The following APBB2 variants were observed in gnomAD, a reference collection of about 807,000 sequenced individuals.
APBB2 encodes Fe65-like 1.
Under a neutral mutation model 82.5 loss-of-function variants are expected in APBB2, and 38 were observed. The ratio of observed to expected loss-of-function variants is 0.46; its 90% confidence interval spans 0.36 to 0.60. APBB2 has a LOEUF of 0.60. Ranked by LOEUF, APBB2 falls within the 20% of genes least tolerant of loss-of-function variation. The probability of loss-of-function intolerance (pLI) is 0.00; values close to 1 mark genes in which losing one functional copy is unlikely to be tolerated. For missense variants in APBB2, 772 were observed against 972.3 expected, an observed-to-expected ratio of 0.79 and a Z score of 2.74; for synonymous variants, 341 against 368.2, an observed-to-expected ratio of 0.93 and a Z score of 0.85.
intron 12 of APBB2, among the ~76,000 whole-genome samples, chr4:40,838,779 C>G (rs1295538424): frequency 1.3e-5 from 2 of 152,042 alleles, no homozygotes; most frequent in Non-Finnish European, 2.9e-5. Flanking sequence ...AAAGCAGGCT[C>G]TATTTTAAAA....
At chr4:40,861,148 C>T (rs553240611) in intron 12 of APBB2, among the ~76,000 whole-genome samples, 4 of 151,652 alleles carry the variant, frequency 2.6e-5, no homozygotes, top group East Asian at 3.9e-4. Context: ...GCCAGGAGTT[C>T]GAGACCAGCC....
intron 6 of APBB2, among the ~76,000 whole-genome samples, chr4:41,011,645 G>A (rs1327469356): frequency 6.6e-6 from 1 of 152,122 alleles, no homozygotes; most frequent in African/African-American, 2.4e-5. Flanking sequence ...TGCCCAGGCT[G>A]GTCTCAAATT....
chr4:40,964,349 C>T (rs1412429660), intron 6 of APBB2, among the ~76,000 whole-genome samples: 3 of 152,136 alleles, frequency 2.0e-5, no homozygotes, highest in African/African-American at 7.2e-5. Flanking sequence ...ACTGATTCAC[C>T]TACCTGTCAT....
intron 2 of APBB2, among the ~76,000 whole-genome samples, chr4:41,110,696 A>G (rs900046815): frequency 1.6e-4 from 24 of 152,024 alleles, no homozygotes; most frequent in African/African-American, 5.8e-4. Flanking sequence ...AGAAGAGAAT[A>G]TAGGTCTGAG....
intron 3 of APBB2, among the ~76,000 whole-genome samples, chr4:41,088,321 G>GAC (rs1740534114): frequency 6.6e-6 from 1 of 152,148 alleles, no homozygotes. Context: ...AAAGACTCTT[G>GAC]ACCACATCAA....
intron 6 of APBB2, among the ~76,000 whole-genome samples, chr4:41,007,609 G>A (rs1334371578): frequency 6.6e-6 from 1 of 152,148 alleles, no homozygotes; most frequent in African/African-American, 2.4e-5. Flanking sequence ...CTTTCCAGGA[G>A]CCTAGAACAT....
intron 1 of APBB2, among the ~76,000 whole-genome samples, chr4:41,195,894 C>T: frequency 4.6e-5 from 7 of 152,220 alleles, no homozygotes; most frequent in South Asian, 4.1e-4. Context: ...GGCTCAGTGG[C>T]TCATGCCTGT....
intron 3 of APBB2, among the ~76,000 whole-genome samples, chr4:41,088,638 TGTGCTGACAGTCACTTCTGAAGTAGG>T (rs1740675135): frequency 6.6e-6 from 1 of 152,250 alleles, no homozygotes; most frequent in Non-Finnish European, 1.5e-5. Context: ...TATATCTAGC[TGTGCTGACAGTCACTTCTGAAGTAGG>T]GATTGGATGG....
chr4:41,107,959 G>A (rs1024359422), intron 2 of APBB2, among the ~76,000 whole-genome samples: 3 of 152,180 alleles, frequency 2.0e-5, no homozygotes, highest in South Asian at 2.1e-4. Context: ...GGTAACAGGT[G>A]AAATCTGAAC....
intron 3 of APBB2, among the ~76,000 whole-genome samples, chr4:41,092,882 G>C (rs1742256625): frequency 6.6e-6 from 1 of 152,058 alleles, no homozygotes; most frequent in Non-Finnish European, 1.5e-5. Context: ...AATGTTTTAA[G>C]AGATCCATTC....
intron 12 of APBB2, among the ~76,000 whole-genome samples, chr4:40,862,631 C>T (rs775091552): frequency 2.6e-5 from 4 of 152,164 alleles, no homozygotes; most frequent in South Asian, 2.1e-4. Context: ...GAGGCCAAGC[C>T]GGGTGGATTA....
chr4:41,010,382 G>A (rs1254084848), intron 6 of APBB2, among the ~76,000 whole-genome samples: 1 of 150,980 alleles, frequency 6.6e-6, no homozygotes, highest in African/African-American at 2.5e-5. Context: ...TTCTTAACAT[G>A]TAAAAAAAAC....
chr4:41,076,723 T>C (rs771203681), intron 3 of APBB2, among the ~76,000 whole-genome samples: 5 of 152,014 alleles, frequency 3.3e-5, no homozygotes, highest in Non-Finnish European at 5.9e-5. Context: ...GCATGTGAAA[T>C]AGGGTCCAGC....
At chr4:40,899,155 G>A (rs573923916) in intron 10 of APBB2, among the ~76,000 whole-genome samples, 7 of 152,308 alleles carry the variant, frequency 4.6e-5, no homozygotes, top group East Asian at 1.9e-4. Flanking sequence ...CAATGTCCTC[G>A]TTATAAAATG....
chr4:40,870,853 C>A (rs1765311730), intron 12 of APBB2, among the ~76,000 whole-genome samples: 1 of 151,828 alleles, frequency 6.6e-6, no homozygotes, highest in South Asian at 2.1e-4. Flanking sequence ...CTGCCTCAGC[C>A]TCCCGAGTAG....
At chr4:41,211,298 C>T (rs1051597894) in intron 1 of APBB2, among the ~76,000 whole-genome samples, 1 of 151,834 alleles carries the variant, frequency 6.6e-6, no homozygotes, top group African/African-American at 2.4e-5. Context: ...TGAACAAATG[C>T]TGGTTTCCTA....
intron 3 of APBB2, among the ~76,000 whole-genome samples, chr4:41,085,671 C>T (rs4861367): frequency 0.17 from 25,913 of 151,948 alleles, 2,684 homozygotes; most frequent in Middle Eastern, 0.24. Context: ...GAGACAAAGG[C>T]ACTACCCAAG....
chr4:40,891,615 T>G (rs1772041956), intron 11 of APBB2, among the ~76,000 whole-genome samples: 1 of 152,198 alleles, frequency 6.6e-6, no homozygotes, highest in Admixed American at 6.5e-5. Context: ...TCTCAGTGCC[T>G]CTGTCAGACA....
intron 12 of APBB2, among the ~76,000 whole-genome samples, chr4:40,854,222 G>T (rs1248979860): frequency 1.3e-5 from 2 of 152,150 alleles, no homozygotes; most frequent in Non-Finnish European, 2.9e-5. Flanking sequence ...AGGGCCCGAG[G>T]AATCCAAAAG....
Sources: gnomAD v4.1 joint callset for allele counts (sites outside exome capture counted in the v4.1 genomes callset) on GRCh38, gnomAD v4.1.1 for gene constraint, MANE v1.5 for transcripts, NCBI Gene and HGNC (gene_info 2026-07-23, HGNC 2026-07-21) for gene names.